CNTNAP2: variants seen among roughly 807,000 people sequenced by gnomAD.
CNTNAP2 encodes contactin associated protein 2, also known as contactin-associated protein-like 2.
A neutral mutation model predicts 155.2 loss-of-function variants in CNTNAP2; 98 were observed. The observed-to-expected ratio is 0.63, with a 90% CI of 0.54 to 0.75. CNTNAP2 has a LOEUF of 0.75. CNTNAP2 is among the 30% of genes least tolerant of loss of function. The probability of loss-of-function intolerance (pLI) is 0.00; values close to 1 mark genes in which losing one functional copy is unlikely to be tolerated. For missense variants in CNTNAP2, 1,727 were observed against 1,688.1 expected (o/e 1.02, Z -0.40); for synonymous variants, 651 against 631.2 (o/e 1.03, Z -0.47).
intron 10 of CNTNAP2, among the ~76,000 whole-genome samples, chr7:147,414,768 CGT>C (rs1402630266): frequency 1.3e-5 from 2 of 151,540 alleles, no homozygotes; most frequent in Non-Finnish European, 2.9e-5. Flanking sequence ...GGTGAAACCC[CGT>C]CTCTACTAAA....
chr7:147,125,032 C>T (rs1398828050), intron 6 of CNTNAP2, among the ~76,000 whole-genome samples: 1 of 151,890 alleles, frequency 6.6e-6, no homozygotes, highest in Non-Finnish European at 1.5e-5. Context: ...AGGCACCTGC[C>T]ACTATGCCCG....
At chr7:147,481,049 T>A (rs1021962638) in intron 10 of CNTNAP2, among the ~76,000 whole-genome samples, 8 of 152,296 alleles carry the variant, frequency 5.3e-5, no homozygotes, top group Non-Finnish European at 1.2e-4. Context: ...CACCAGAACA[T>A]ATTTCCATGT....
chr7:148,331,216 T>A lies in CNTNAP2; in HGVS notation c.3476-52433T>A, dbSNP rs566033059. Among the ~76,000 whole-genome samples the A allele has an allele frequency of 5.3e-3, 715 of 135,002 alleles. 19 individuals are homozygous for A. The highest frequency in any genetic ancestry group is 0.02 in the African/African-American group (676 of 34,028). 88.6% of individuals were successfully genotyped at this position (135,002 alleles called of 152,430 possible). A position where few individuals can be genotyped will look rare whatever the true frequency, so the allele number is the denominator to read the frequency against. On this transcript the variant is annotated intron_variant, in intron 21 of 23. Coordinates refer to ENST00000361727, the MANE Select transcript of CNTNAP2 (RefSeq NM_014141.6). ...GGACGGATGGAGTGGATGGATGGAA[T>A]GGATGGATGGAGTGGATGGATGGAA...
At chr7:146,703,147 A>G (rs2129173692) in intron 1 of CNTNAP2, among the ~76,000 whole-genome samples, 1 of 152,282 alleles carries the variant, frequency 6.6e-6, no homozygotes, top group South Asian at 2.1e-4. Context: ...CCTATTGTGT[A>G]CTCACATTCA....
chr7:146,149,375 A>G (rs1798003474), intron 1 of CNTNAP2, among the ~76,000 whole-genome samples: 1 of 152,140 alleles, frequency 6.6e-6, no homozygotes, highest in African/African-American at 2.4e-5. Context: ...CTCATTCATT[A>G]TCCTATGCTG....
chr7:147,073,312 TA>T (rs34336943), intron 4 of CNTNAP2, among the ~76,000 whole-genome samples: 93,826 of 140,304 alleles, frequency 0.67, 30,901 homozygotes, highest in East Asian at 0.74. Flanking sequence ...TGCAGGAATG[TA>T]AAAAAAAAAA....
chr7:147,928,515 C>T (rs576418309), intron 14 of CNTNAP2, among the ~76,000 whole-genome samples: 10 of 152,040 alleles, frequency 6.6e-5, no homozygotes, highest in South Asian at 2.1e-4. Context: ...AACTTTAAAG[C>T]GATGAATTGT....
intron 13 of CNTNAP2, among the ~76,000 whole-genome samples, chr7:147,853,707 T>G (rs994072683): frequency 5.9e-5 from 9 of 152,224 alleles, no homozygotes; most frequent in Admixed American, 3.9e-4. Flanking sequence ...CAGGCTATAT[T>G]AGCTGTTGGT....
At chr7:148,233,352 A>C (rs1795994392) in intron 20 of CNTNAP2, among the ~76,000 whole-genome samples, 1 of 150,796 alleles carries the variant, frequency 6.6e-6, no homozygotes, top group African/African-American at 2.4e-5. Flanking sequence ...AGAATATTAA[A>C]TGAAATAGAG....
At chr7:147,680,952 T>C (rs1795939777) in intron 13 of CNTNAP2, among the ~76,000 whole-genome samples, 1 of 151,958 alleles carries the variant, frequency 6.6e-6, no homozygotes, top group African/African-American at 2.4e-5. Flanking sequence ...AAAATTAATA[T>C]ATACGTTATA....
intron 1 of CNTNAP2, among the ~76,000 whole-genome samples, chr7:146,552,634 G>T (rs924171810): frequency 1.3e-5 from 2 of 151,720 alleles, no homozygotes; most frequent in Non-Finnish European, 1.5e-5. Flanking sequence ...TCCCCCTAAC[G>T]ACTTTCCTTC....
chr7:147,699,545 C>A (rs1796207329), intron 13 of CNTNAP2, among the ~76,000 whole-genome samples: 1 of 151,942 alleles, frequency 6.6e-6, no homozygotes, highest in Admixed American at 6.6e-5. Context: ...CATGTGTATA[C>A]CTATGTAACA....
chr7:148,335,459 C>T (rs1427025697), intron 21 of CNTNAP2, among the ~76,000 whole-genome samples: 3 of 152,170 alleles, frequency 2.0e-5, no homozygotes, highest in South Asian at 4.1e-4. Context: ...CTCTGCTACT[C>T]CACATCAACT....
In CNTNAP2 at chr7:146,480,685, T is replaced by C. The variant is rs1449913556; in HGVS notation, c.98-293586T>C. On this transcript the variant is annotated intron_variant, in intron 1 of 23. Transcript: ENST00000361727. ...TAAAATATATATATATTTTTTTTTT[T>C]CCTTTTTTTTTTTTTTTTTTTTAGA... Among the ~76,000 whole-genome samples the C allele has an allele frequency of 4.3e-3, 599 of 139,522 alleles. 8 individuals carry two copies. The highest frequency in any genetic ancestry group is 0.016 in the African/African-American group (571 of 36,118). The allele number at this position is 139,522 out of a possible 152,430, so 91.5% of individuals were successfully genotyped here.
At chr7:146,754,890 A>T (rs1801968081) in intron 1 of CNTNAP2, among the ~76,000 whole-genome samples, 1 of 151,906 alleles carries the variant, frequency 6.6e-6, no homozygotes, top group Non-Finnish European at 1.5e-5. Flanking sequence ...AATCATCTCA[A>T]AGTAAAGGAT....
intron 22 of CNTNAP2, among the ~76,000 whole-genome samples, chr7:148,384,607 C>G (rs771631932): frequency 1.3e-5 from 2 of 152,124 alleles, no homozygotes; most frequent in African/African-American, 2.4e-5. Context: ...GCTTTTTCAC[C>G]CATAAGGTGA....
chr7:146,466,970 A>G (rs1584938666), intron 1 of CNTNAP2, among the ~76,000 whole-genome samples: 2 of 152,308 alleles, frequency 1.3e-5, no homozygotes, highest in Middle Eastern at 6.8e-3. Context: ...TTTTTTATAC[A>G]TTCAAATTTA....
intron 9 of CNTNAP2, among the ~76,000 whole-genome samples, chr7:147,376,167 C>T (rs961877469): frequency 1.3e-5 from 2 of 152,034 alleles, no homozygotes; most frequent in African/African-American, 4.8e-5. Context: ...CATCATTAAA[C>T]ATACATGTTT....
chr7:146,928,864 G>C (rs1796673309), intron 3 of CNTNAP2, among the ~76,000 whole-genome samples: 1 of 152,218 alleles, frequency 6.6e-6, no homozygotes, highest in African/African-American at 2.4e-5. Context: ...CAAACTGCAA[G>C]GTGGCAGGGA....
Sources: gnomAD v4.1 joint callset for allele counts (sites outside exome capture counted in the v4.1 genomes callset) on GRCh38, gnomAD v4.1.1 for gene constraint, MANE v1.5 for transcripts, NCBI Gene and HGNC (gene_info 2026-07-23, HGNC 2026-07-21) for gene names.